MBTPS2: variants seen among roughly 807,000 people sequenced by gnomAD.
MBTPS2 encodes the protein membrane bound transcription factor peptidase, site 2.
Under a neutral mutation model 35.4 loss-of-function variants are expected in MBTPS2, and 2 were observed. The ratio of observed to expected loss-of-function variants is 0.06; its 90% CI spans 0.02 to 0.18. The LOEUF is 0.18. Ranked by LOEUF, MBTPS2 falls within the 10% of genes least tolerant of loss-of-function variation. The pLI, the probability that MBTPS2 is intolerant of heterozygous loss-of-function variation, is 1.00. For synonymous variants in MBTPS2, 125 were observed against 140.4 expected (o/e 0.89, Z 0.77); for missense variants, 244 against 386.5 (o/e 0.63, Z 3.09).
chrX:21,873,861 T>C (rs898409048), intron 7 of MBTPS2, among the ~76,000 whole-genome samples: 1 of 109,833 alleles, frequency 9.1e-6, no homozygotes, highest in Non-Finnish European at 1.9e-5. Flanking sequence ...TGCTCTAATA[T>C]TTGAAAAGCA....
intron 5 of MBTPS2, among the ~76,000 whole-genome samples, chrX:21,860,113 A>G (rs1433032042): frequency 5.5e-5 from 6 of 109,024 alleles, no homozygotes; most frequent in East Asian, 2.9e-4. Flanking sequence ...AAAAAAGAGA[A>G]AAAGGGGCAG....
In MBTPS2 at chrX:21,868,398, G is replaced by A. The variant is rs2092943169; in HGVS notation, c.671-69G>A. On this transcript the variant is annotated intron_variant, in intron 5 of 10. Coordinates refer to ENST00000379484, the MANE Select transcript of MBTPS2 (RefSeq NM_015884.4). ...TAATTTATCAGAATGCCCAAGTGTT[G>A]TGAGGTCCAGCTACTTATATCATTC... The A allele has an allele frequency of 7.4e-6, 5 of 673,324 alleles. No homozygotes were observed. In the Admixed American group the frequency reaches 8.8e-5, roughly 12 times the overall value. The allele number at this position is 673,324 out of a possible 1,213,427, so 55.5% of individuals were successfully genotyped here.
intron 5 of MBTPS2, chrX:21,857,549 A>T (rs2092924870): frequency 4.1e-6 from 5 of 1,211,860 alleles, no homozygotes; most frequent in Non-Finnish European, 5.6e-6. Context: ...TCGCTCAGTC[A>T]ACCAACCTGA....
At chrX:21,875,959 A>G (rs2092952592) in intron 7 of MBTPS2, among the ~76,000 whole-genome samples, 1 of 111,984 alleles carries the variant, frequency 8.9e-6, no homozygotes, top group South Asian at 3.7e-4. Context: ...GAAGAGAATC[A>G]TATGAGATAA....
chrX:21,878,484 A>G lies in MBTPS2; in HGVS notation c.1066-13A>G, dbSNP rs376690597. ...TCATTTTTAATATTGACTGATTAATATTTTATTTATAGCATACATGTCTTC... is the reference window on the plus strand; with the variant it reads ...TCATTTTTAATATTGACTGATTAATGTTTTATTTATAGCATACATGTCTTC... On this transcript the variant is annotated splice_polypyrimidine_tract_variant and intron_variant, in intron 8 of 10. Coordinates refer to ENST00000379484, the MANE Select transcript of MBTPS2 (RefSeq NM_015884.4). 18 of 1,165,698 alleles carry G rather than the reference A, an allele frequency of 1.5e-5. No individual in the cohort carries two copies. Among genetic ancestry groups the G allele is most frequent in the Non-Finnish European group, 2.1e-5 (18 of 855,244 alleles).
In MBTPS2 at chrX:21,843,334, T is replaced by C. The variant is rs754309658; in HGVS notation, c.224+16T>C. On this transcript the variant is annotated intron_variant, in intron 2 of 10. Transcript: ENST00000379484. Reference sequence around the variant, plus strand: ...TTTACCAATGGTATTCTTCATCTTCTTTTGTTTGGTTTAGGTTAATCATTA... The same window carrying C: ...TTTACCAATGGTATTCTTCATCTTCCTTTGTTTGGTTTAGGTTAATCATTA... 2.5e-6 allele frequency: 3 copies of C among 1,202,766 alleles called. No homozygotes were observed. In the Admixed American group the frequency reaches 6.5e-5, roughly 26 times the overall value.
intron 10 of MBTPS2, among the ~76,000 whole-genome samples, chrX:21,881,880 G>A (rs1002776550): frequency 5.4e-5 from 6 of 111,445 alleles, no homozygotes; most frequent in Non-Finnish European, 1.1e-4. Flanking sequence ...AGGTTGCAGT[G>A]AGCCAAGATC....
At chrX:21,842,436 T>G (rs942657123) in intron 1 of MBTPS2, among the ~76,000 whole-genome samples, 1 of 110,728 alleles carries the variant, frequency 9.0e-6, no homozygotes, top group Non-Finnish European at 1.9e-5. Context: ...GGTAGGGTTT[T>G]TTTTTTTTTA....
At chrX:21,866,530 A>G (rs1045429499) in intron 5 of MBTPS2, among the ~76,000 whole-genome samples, 2 of 111,894 alleles carry the variant, frequency 1.8e-5, no homozygotes, top group Non-Finnish European at 3.8e-5. Flanking sequence ...TAGGAAGAAA[A>G]GATCTCATTC....
At chrX:21,857,719 C>T in intron 5 of MBTPS2, 2 of 857,127 alleles carry the variant, frequency 2.3e-6, no homozygotes, top group Non-Finnish European at 3.2e-6. Flanking sequence ...AAAATGAATC[C>T]TGCACATTTA....
rs2092907217 is a variant in MBTPS2, at chrX:21,845,200, T to C, written c.254T>C (p.Ile85Thr). The change falls in exon 3 of 11, where the codon ATT becomes ACT. Residue 85 changes from isoleucine (I) to threonine (T), a missense_variant. Coordinates refer to ENST00000379484, the MANE Select transcript of MBTPS2 (RefSeq NM_015884.4). ...AATTTTGGAATGGTGTTTGGCGTAA[T>C]TGCCATGTTTAGCTCATTTTTTCTC... ...WFNFGMVFGV[I>T]AMFSSFFLLG... The C allele has an allele frequency of 8.3e-7, 1 of 1,211,339 alleles. No individual in the cohort carries two copies. Among genetic ancestry groups the C allele is most frequent in the Non-Finnish European group, 1.1e-6 (1 of 894,980 alleles).
chrX:21,874,594 G>A (rs2092951131), intron 7 of MBTPS2, among the ~76,000 whole-genome samples: 1 of 111,611 alleles, frequency 9.0e-6, no homozygotes, highest in African/African-American at 3.3e-5. Flanking sequence ...TTTGTAGACT[G>A]GACTATTTCT....
chrX:21,856,685 G>A, intron 5 of MBTPS2: 1 of 1,211,793 alleles, frequency 8.3e-7, no homozygotes, highest in Non-Finnish European at 1.1e-6. Context: ...CGCTCTTCAC[G>A]AACACGGGCT....
intron 5 of MBTPS2, chrX:21,856,554 G>A (rs1569323771): frequency 3.3e-6 from 4 of 1,211,322 alleles, no homozygotes; most frequent in Non-Finnish European, 3.4e-6. Context: ...GGAGCTCCAC[G>A]ACATCAATGT....
At position 21,883,573 on chromosome X, in the gene MBTPS2, G is replaced by T. The variant is rs1232935381; in HGVS notation, c.*918G>T. 4.0e-6 allele frequency: 3 copies of T among 752,091 alleles called. No homozygotes were observed. Among genetic ancestry groups the T allele is most frequent in the Non-Finnish European group, 4.7e-6 (3 of 639,007 alleles). The allele number at this position is 752,091 out of a possible 1,213,427, so 62.0% of individuals were successfully genotyped here. A position where few individuals can be genotyped will look rare whatever the true frequency, so the allele number is the denominator to read the frequency against. ...AAACATTTTCTCTTGTGCTGCTCAGGACATCTGGGGCCTAGCTCCTGGGTT... is the reference window on the plus strand; with the variant it reads ...AAACATTTTCTCTTGTGCTGCTCAGTACATCTGGGGCCTAGCTCCTGGGTT... On this transcript the variant is annotated 3_prime_UTR_variant, in exon 11 of 11. Coordinates refer to ENST00000379484, the MANE Select transcript of MBTPS2 (RefSeq NM_015884.4).
chrX:21,854,397 GA>G (rs1360828692), intron 5 of MBTPS2, among the ~76,000 whole-genome samples: 1 of 112,045 alleles, frequency 8.9e-6, no homozygotes, highest in Non-Finnish European at 1.9e-5. Flanking sequence ...CTCACCTACT[GA>G]AAGAAAGATG....
In MBTPS2 at chrX:21,883,830, C is replaced by A. The variant is rs1186939145; in HGVS notation, c.*1175C>A. 5.3e-6 allele frequency: 4 copies of A among 752,125 alleles called. No homozygotes were observed. The African/African-American group carries it at 7.0e-5, about 13-fold the overall frequency. The allele number at this position is 752,125 out of a possible 1,213,427, so 62.0% of individuals were successfully genotyped here. A position where few individuals can be genotyped will look rare whatever the true frequency, so the allele number is the denominator to read the frequency against. ...GAACTGATTCTTGAGCCCAGAAGAG[C>A]CACGCCTGCTTTGAGGTCTTTTGGA... On this transcript the variant is annotated 3_prime_UTR_variant, in exon 11 of 11. Transcript: ENST00000379484.
rs752711871 is a variant in MBTPS2 at position 21,857,588 on chromosome X, C to T, written c.670+4085C>T. On this transcript the variant is annotated intron_variant, in intron 5 of 10. Coordinates refer to ENST00000379484, the MANE Select transcript of MBTPS2 (RefSeq NM_015884.4). Reference sequence around the variant, plus strand: ...CCCACATATTAACGCATGTGAAGACCAAAAACAACCCGTGAAAAGGAGAAG... The same window carrying T: ...CCCACATATTAACGCATGTGAAGACTAAAAACAACCCGTGAAAAGGAGAAG... 9 of 1,201,245 alleles carry T rather than the reference C, an allele frequency of 7.5e-6. No homozygotes were observed. In the Admixed American group the frequency reaches 8.9e-5, roughly 12 times the overall value.
intron 5 of MBTPS2, among the ~76,000 whole-genome samples, chrX:21,867,808 T>G (rs2092942191): frequency 9.1e-6 from 1 of 109,862 alleles, no homozygotes; most frequent in East Asian, 2.9e-4. Context: ...CTGGCTAATT[T>G]TTTTGTATTT....
Sources: allele counts gnomAD v4.1 joint callset (sites outside exome capture counted in the v4.1 genomes callset), GRCh38; gene constraint gnomAD v4.1.1; transcripts MANE v1.5; gene names NCBI Gene and HGNC (gene_info 2026-07-23, HGNC 2026-07-21).